DLGAP2: variants seen among roughly 807,000 people sequenced by gnomAD.
DLGAP2 encodes the protein disks large-associated protein 2.
DLGAP2 carries 26 observed loss-of-function variants against 100.3 expected under a neutral mutation model. That is an observed-to-expected ratio of 0.26 (90% CI 0.19 to 0.36). The LOEUF (loss-of-function observed/expected upper bound fraction) is 0.36, where lower values mean the gene tolerates loss of function less well. Ranked by LOEUF, DLGAP2 falls within the 10% of genes least tolerant of loss-of-function variation. DLGAP2 has a pLI of 1.00. For synonymous variants in DLGAP2, 886 were observed against 630.1 expected, an observed-to-expected ratio of 1.41 and a Z score of -6.08; for missense variants, 1,858 against 1,453.2, an observed-to-expected ratio of 1.28 and a Z score of -4.53.
chr8:1,465,389 G>T, intron 3 of DLGAP2, among the ~76,000 whole-genome samples: 1 of 152,048 alleles, frequency 6.6e-6, no homozygotes, highest in African/African-American at 2.4e-5. Context: ...AGAGCGAAGG[G>T]AAGAGATGAG....
chr8:1,604,926 G>C (rs1261242579), intron 6 of DLGAP2, among the ~76,000 whole-genome samples: 2 of 152,210 alleles, frequency 1.3e-5, no homozygotes, highest in East Asian at 3.9e-4. Flanking sequence ...CATCTACCAG[G>C]AGCTGCTGCA....
chr8:888,817 G>A (rs957013872), intron 1 of DLGAP2, among the ~76,000 whole-genome samples: 5 of 152,142 alleles, frequency 3.3e-5, no homozygotes, highest in African/African-American at 9.7e-5. Context: ...TCTGTGTACA[G>A]GGTGTGTGAC....
chr8:1,465,598 C>T (rs541587828), intron 3 of DLGAP2, among the ~76,000 whole-genome samples: 7 of 152,294 alleles, frequency 4.6e-5, no homozygotes, highest in African/African-American at 1.4e-4. Flanking sequence ...GGAACCTCCA[C>T]GGGTTCAGGT....
At chr8:1,564,233 A>G (rs1802304275) in intron 5 of DLGAP2, among the ~76,000 whole-genome samples, 1 of 152,188 alleles carries the variant, frequency 6.6e-6, no homozygotes, top group Non-Finnish European at 1.5e-5. Context: ...GGGAAAAGAA[A>G]CCAGGTCCTG....
chr8:1,193,713 C>A (rs1184187959), intron 2 of DLGAP2, among the ~76,000 whole-genome samples: 2 of 152,116 alleles, frequency 1.3e-5, no homozygotes, highest in Non-Finnish European at 2.9e-5. Context: ...CCTCTCTGCA[C>A]CTGAGACTCC....
chr8:750,297 G>A (rs370282173), intron 1 of DLGAP2, among the ~76,000 whole-genome samples: 1 of 152,246 alleles, frequency 6.6e-6, no homozygotes, highest in Non-Finnish European at 1.5e-5. Flanking sequence ...AGGCGATTGT[G>A]CAGAGTGGGC....
chr8:789,555 T>C (rs1354774141), intron 1 of DLGAP2, among the ~76,000 whole-genome samples: 1 of 152,218 alleles, frequency 6.6e-6, no homozygotes, highest in Non-Finnish European at 1.5e-5. Context: ...GAATTGTCTT[T>C]TGCAGAAAAC....
chr8:802,056 A>ACTCCTCCT (rs1796170396), intron 1 of DLGAP2, among the ~76,000 whole-genome samples: 1 of 41,896 alleles, frequency 2.4e-5, no homozygotes, highest in East Asian at 1.2e-3. Context: ...CCTGGGGAAC[A>ACTCCTCCT]GTCTGCACCC....
chr8:1,044,811 C>G (rs1020307743), intron 2 of DLGAP2, among the ~76,000 whole-genome samples: 2 of 152,194 alleles, frequency 1.3e-5, no homozygotes, highest in East Asian at 1.9e-4. Flanking sequence ...CTCGGGTCAC[C>G]TCTCGACCTG....
chr8:1,348,457 C>G (rs73170481), intron 3 of DLGAP2, among the ~76,000 whole-genome samples: 11,394 of 141,428 alleles, frequency 0.081, 938 homozygotes, highest in East Asian at 0.29. Context: ...TTACATTGCT[C>G]TCATGGTAAC....
intron 2 of DLGAP2, among the ~76,000 whole-genome samples, chr8:1,122,202 C>T (rs1220160082): frequency 1.3e-5 from 2 of 152,192 alleles, no homozygotes; most frequent in Non-Finnish European, 2.9e-5. Context: ...ACTCTCATTT[C>T]ATGGAAGAAT....
intron 14 of DLGAP2, 140 bp downstream of exon 14, chr8:1,697,439 TGCACATGTGTATAC>T: frequency 8.1e-7 from 1 of 1,237,784 alleles, no homozygotes; most frequent in Non-Finnish European, 1.1e-6. Context: ...TATGTATGTG[TGCACATGTGTATAC>T]GCACATGTGT....
intron 6 of DLGAP2, among the ~76,000 whole-genome samples, chr8:1,616,331 T>G (rs141794871): frequency 1.4e-3 from 218 of 152,166 alleles, no homozygotes; most frequent in Non-Finnish European, 2.8e-3. Context: ...GGCAGAAGGT[T>G]TTGAAGAAAA....
intron 1 of DLGAP2, among the ~76,000 whole-genome samples, chr8:890,842 C>T (rs182248980): frequency 3.3e-5 from 5 of 152,168 alleles, no homozygotes; most frequent in African/African-American, 1.2e-4. Flanking sequence ...CCCGACCCCC[C>T]TAAACTCTAG....
At chr8:1,177,449 C>T (rs1287213146) in intron 2 of DLGAP2, among the ~76,000 whole-genome samples, 2 of 152,066 alleles carry the variant, frequency 1.3e-5, no homozygotes, top group African/African-American at 4.8e-5. Flanking sequence ...TCTTTGGGCA[C>T]ACCGGAGCAG....
chr8:1,144,526 TTGTC>T (rs1327915014), intron 2 of DLGAP2, among the ~76,000 whole-genome samples: 8 of 152,236 alleles, frequency 5.3e-5, no homozygotes, highest in African/African-American at 1.9e-4. Context: ...GATTCTTGCT[TTGTC>T]TGTCTCCATC....
At chr8:1,196,147 G>A (rs934567701) in intron 2 of DLGAP2, among the ~76,000 whole-genome samples, 2 of 152,326 alleles carry the variant, frequency 1.3e-5, no homozygotes, top group African/African-American at 2.4e-5. Context: ...TTAACTGCTT[G>A]TTGTAGTAGT....
chr8:1,653,492 A>G (rs1427154892), intron 8 of DLGAP2, among the ~76,000 whole-genome samples: 1 of 152,142 alleles, frequency 6.6e-6, no homozygotes, highest in East Asian at 1.9e-4. Flanking sequence ...GCTCAAACTG[A>G]TGCTTACTGA....
chr8:1,522,832 T>C (rs993264854), intron 4 of DLGAP2, among the ~76,000 whole-genome samples: 4 of 152,210 alleles, frequency 2.6e-5, no homozygotes, highest in Admixed American at 6.5e-5. Context: ...AATAGCCTCA[T>C]GGGATATCAA....
Sources: gnomAD v4.1 joint callset for allele counts (sites outside exome capture counted in the v4.1 genomes callset) on GRCh38, gnomAD v4.1.1 for gene constraint, MANE v1.5 for transcripts, NCBI Gene and HGNC (gene_info 2026-07-23, HGNC 2026-07-21) for gene names.